The following PLCH2 variants were observed in gnomAD, a reference collection of about 807,000 sequenced individuals.
The protein encoded by PLCH2 is phospholipase C eta 2, also known as 1-phosphatidylinositol 4,5-bisphosphate phosphodiesterase eta-2.
PLCH2 carries 98 observed loss-of-function variants against 134.7 expected under a neutral mutation model. The observed-to-expected ratio is 0.73, with a 90% CI of 0.62 to 0.86. The LOEUF (loss-of-function observed/expected upper bound fraction) is 0.86, where lower values mean the gene tolerates loss of function less well. PLCH2 is among the 40% of genes least tolerant of loss of function. The probability of loss-of-function intolerance (pLI) is 0.00; values close to 1 mark genes in which losing one functional copy is unlikely to be tolerated. For synonymous variants in PLCH2, 974 were observed against 827.5 expected (o/e 1.18, Z -3.04); for missense variants, 1,994 against 1,986.6 (o/e 1.00, Z -0.07).
rs1641631301 is a variant in PLCH2, at chr1:2,476,551, T to C, written c.-38T>C. 6.8e-7 allele frequency: 1 copy of C among 1,462,256 alleles called. No homozygotes were observed. Among genetic ancestry groups the C allele is most frequent in the African/African-American group, 1.4e-5 (1 of 70,308 alleles). The allele number at this position is 1,462,256 out of a possible 1,614,324, so 90.6% of individuals were successfully genotyped here. ...CGCTGCCCGAAGGCCGGTGGGCCTC[T>C]GTGGCCTCCGTGAAGCAGGCCCGGC... On this transcript the variant is annotated 5_prime_UTR_variant, in exon 1 of 22. Coordinates refer to ENST00000378486, the MANE Select transcript of PLCH2 (RefSeq NM_014638.4).
At chr1:2,471,003 G>C (rs1029556328) in intron 1 of PLCH2, among the ~76,000 whole-genome samples, 1 of 151,430 alleles carries the variant, frequency 6.6e-6, no homozygotes, top group Non-Finnish European at 1.5e-5. Flanking sequence ...AGAGAAACCA[G>C]TGACTTGTGG....
intron 2 of PLCH2, among the ~76,000 whole-genome samples, chr1:2,451,373 T>A (rs914237725): frequency 6.6e-6 from 1 of 152,156 alleles, no homozygotes; most frequent in Non-Finnish European, 1.5e-5. Context: ...CAGGCAGAGA[T>A]TGTCGCGGAG....
chr1:2,483,061 G>C (rs1365958948), intron 4 of PLCH2, among the ~76,000 whole-genome samples: 1 of 152,222 alleles, frequency 6.6e-6, no homozygotes, highest in Non-Finnish European at 1.5e-5. Flanking sequence ...ACCCAGCGGG[G>C]CTTGTCTGGA....
chr1:2,440,038 G>C (rs1246607242), intron 2 of PLCH2, among the ~76,000 whole-genome samples: 1 of 152,090 alleles, frequency 6.6e-6, no homozygotes, highest in Admixed American at 6.6e-5. Context: ...TGTGGAGAAG[G>C]GGGAGTCAGG....
intron 11 of PLCH2, among the ~76,000 whole-genome samples, chr1:2,494,633 C>T (rs1362132627): frequency 6.6e-6 from 1 of 152,208 alleles, no homozygotes; most frequent in East Asian, 1.9e-4. Context: ...CAGGCCGCTT[C>T]TCCTCGGCAG....
chr1:2,473,081 C>T (rs1641413479), upstream of PLCH2, among the ~76,000 whole-genome samples: 1 of 152,106 alleles, frequency 6.6e-6, no homozygotes, highest in Non-Finnish European at 1.5e-5. Context: ...CGATCTCCGC[C>T]ATAAAAACAA....
At chr1:2,490,308 AC>A (rs1325394074) in intron 10 of PLCH2, among the ~76,000 whole-genome samples, 3 of 151,944 alleles carry the variant, frequency 2.0e-5, no homozygotes, top group Non-Finnish European at 4.4e-5. Context: ...CTGCCCAGCC[AC>A]CCCCGTGGCC....
chr1:2,425,020 G>A (rs1049781086), upstream of PLCH2, among the ~76,000 whole-genome samples: 11 of 151,956 alleles, frequency 7.2e-5, no homozygotes, highest in Admixed American at 5.9e-4. Context: ...AAAATTAGAC[G>A]TGCGTGGTGG....
chr1:2,456,134 G>A lies in PLCH2; in HGVS notation c.116-22342G>A, dbSNP rs780842594. Among the ~76,000 whole-genome samples the A allele has an allele frequency of 8.1e-4, 124 of 152,316 alleles. 1 individual carries two copies. The highest frequency in any genetic ancestry group is 6.5e-4 in the Non-Finnish European group (44 of 68,008). On this transcript the variant is annotated intron_variant, in intron 2 of 3. Transcript: ENST00000609981. Reference sequence around the variant, plus strand: ...GTGTTGATGCCGTTTGGGATGCGGAGCCCAGAGGGGAGGCCCAGCTTGTCC... The same window carrying A: ...GTGTTGATGCCGTTTGGGATGCGGAACCCAGAGGGGAGGCCCAGCTTGTCC...
Position 2,495,474 on chromosome 1 carries a change from T to A in PLCH2, c.1753-14T>A. 1 of 1,550,516 alleles carries A rather than the reference T, an allele frequency of 6.4e-7. No individual in the cohort carries two copies. The stretch of plus-strand genomic sequence containing the variant: ...CCAGAGGCCCTACAGCTCACACCTC[T>A]GCCCCCCGCACAGAAGAAGGGCAGC... On this transcript the variant is annotated splice_polypyrimidine_tract_variant and intron_variant, in intron 12 of 21. Transcript: ENST00000378486.
At chr1:2,501,997 G>A (rs987853032) in intron 20 of PLCH2, 115 bp from the exon 21 acceptor site, 60 of 983,734 alleles carry the variant, frequency 6.1e-5, no homozygotes, top group South Asian at 1.5e-4. Flanking sequence ...CCAGCCCCTC[G>A]GACCGAGACA....
chr1:2,498,682 G>GGGGGCCCCCCCCC lies in PLCH2; in HGVS notation c.2349+35_2349+36insGGGGCCCCCCCCC. 2 of 800,752 alleles carry GGGGGCCCCCCCCC rather than the reference G, an allele frequency of 2.5e-6. No homozygotes were observed. The highest frequency in any genetic ancestry group is 7.9e-5 in the East Asian group (2 of 25,344). 49.6% of individuals were successfully genotyped at this position (800,752 alleles called of 1,614,324 possible). Reference sequence around the variant, plus strand: ...AGCCCCACACAGGCGGGAGGGGTGGGAGTTGGGGGCGGGCCGGGCATCGCG... The same window carrying GGGGGCCCCCCCCC: ...AGCCCCACACAGGCGGGAGGGGTGGGGGGGCCCCCCCCCAGTTGGGGGCGGGCCGGGCATCGCG... On this transcript the variant is annotated intron_variant, in intron 17 of 21. Transcript: ENST00000378486. The surrounding 1 kb of genome is among the most constrained non-coding windows in gnomAD (Gnocchi z 5.4).
At chr1:2,450,945 A>C (rs1640193448) in intron 2 of PLCH2, among the ~76,000 whole-genome samples, 3 of 151,100 alleles carry the variant, frequency 2.0e-5, no homozygotes, top group Admixed American at 2.0e-4. Flanking sequence ...TGTGAGGGTG[A>C]GCAGGTGACT....
chr1:2,479,979 T>C lies in PLCH2; in HGVS notation c.515+2T>C. 6.2e-7 allele frequency: 1 copy of C among 1,603,300 alleles called. No homozygotes were observed. The highest frequency in any genetic ancestry group is 8.5e-7 in the Non-Finnish European group (1 of 1,173,048). On this transcript the variant is annotated splice_donor_variant, in intron 3 of 21. Coordinates refer to ENST00000378486, the MANE Select transcript of PLCH2 (RefSeq NM_014638.4). LOFTEE classifies it high-confidence loss of function. ...TCGCCGCCAGCGCACCAGGGACCAA[T>C]ATCCTTGGGCACCTATCGGGCAATG...
At chr1:2,418,231 G>A in the PLCH2 span, among the ~76,000 whole-genome samples, 1 of 152,208 alleles carries the variant, frequency 6.6e-6, no homozygotes. Flanking sequence ...TTTGGAAACT[G>A]CACTGAACTG....
At chr1:2,438,358 C>A (rs1639531765) in intron 2 of PLCH2, among the ~76,000 whole-genome samples, 1 of 152,168 alleles carries the variant, frequency 6.6e-6, no homozygotes, top group South Asian at 2.1e-4. Context: ...TGCCCCTTGG[C>A]ACCCCTGGGG....
Position 2,505,089 on chromosome 1 carries a change from G to A in PLCH2, c.4127G>A (p.Arg1376Gln), listed in dbSNP as rs777546481. 1.2e-5 allele frequency: 19 copies of A among 1,539,502 alleles called. No homozygotes were observed. Among genetic ancestry groups the A allele is most frequent in the South Asian group, 3.6e-5 (3 of 84,398 alleles). Residue 1376 changes from arginine (R) to glutamine (Q), a missense_variant, in exon 22 of 22, where the codon CGG (arginine) becomes CAG (glutamine). Arg to Gln is a conservative substitution (Grantham distance 43). Around this residue, in one of 2 missense-constraint regions of PLCH2, gnomAD observed 900 missense variants for 752.3 expected, o/e 1.20. Coordinates refer to ENST00000378486, the MANE Select transcript of PLCH2 (RefSeq NM_014638.4). ...LGRQGPPEEERGTPEGACSVG... is the reference protein window; with the variant it reads ...LGRQGPPEEEQGTPEGACSVG... ...CGGCAGGGACCCCCAGAAGAGGAGC[G>A]GGGCACCCCCGAGGGCGCCTGCTCC... is the stretch of plus-strand genomic sequence containing the variant.
At position 2,498,237 on chromosome 1, in the gene PLCH2, AC is replaced by A; in HGVS notation, c.2225-281del. On this transcript the variant is annotated intron_variant, in intron 16 of 21. Coordinates refer to ENST00000378486, the MANE Select transcript of PLCH2 (RefSeq NM_014638.4). The surrounding 1 kb of genome is among the most constrained non-coding windows in gnomAD (Gnocchi z 5.4). ...TGTCACCAGAGACCCCACCCCTCAT[AC>A]CCCCAGGGACCCAGACCCACCCCCA... 2.5e-6 allele frequency: 1 copy of A among 392,520 alleles called. No homozygotes were observed. Among genetic ancestry groups the A allele is most frequent in the South Asian group, 3.6e-5 (1 of 27,908 alleles). The allele number at this position is 392,520 out of a possible 1,614,324, so 24.3% of individuals were successfully genotyped here. A position where few individuals can be genotyped will look rare whatever the true frequency, so the allele number is the denominator to read the frequency against.
intron 1 of PLCH2, among the ~76,000 whole-genome samples, chr1:2,477,701 C>T (rs926086167): frequency 1.3e-5 from 2 of 151,962 alleles, no homozygotes; most frequent in Non-Finnish European, 2.9e-5. Context: ...AGAGAAGGAG[C>T]GAGGCAGGCA....
Sources: gnomAD v4.1 joint callset for allele counts (sites outside exome capture counted in the v4.1 genomes callset) on GRCh38, gnomAD v4.1.1 for gene constraint, gnomAD v4.1.1 regional missense constraint, Gnocchi (gnomAD v3.1) non-coding constraint, MANE v1.5 for transcripts, NCBI Gene and HGNC (gene_info 2026-07-23, HGNC 2026-07-21) for gene names.